PRR16: variants seen among roughly 807,000 people sequenced by gnomAD.
PRR16 encodes protein Largen.
Under a neutral mutation model 18.2 loss-of-function variants are expected in PRR16, and 6 were observed. The ratio of observed to expected loss-of-function variants is 0.33; its 90% CI spans 0.18 to 0.65. The LOEUF (loss-of-function observed/expected upper bound fraction) is 0.65, where lower values mean the gene tolerates loss of function less well. PRR16 is among the 30% of genes least tolerant of loss of function. PRR16 has a pLI of 0.74. For synonymous variants in PRR16, 151 were observed against 147.8 expected (o/e 1.02, Z -0.16); for missense variants, 412 against 376.6 (o/e 1.09, Z -0.78).
chr5:120,585,135 A>G (rs1379672370), intron 1 of PRR16, among the ~76,000 whole-genome samples: 3 of 152,242 alleles, frequency 2.0e-5, no homozygotes, highest in Non-Finnish European at 2.9e-5. Flanking sequence ...AAATAAGAAT[A>G]AGACAGATAT....
At chr5:120,752,932 TTTTCATCTC>T in the PRR16 span, among the ~76,000 whole-genome samples, 1 of 151,582 alleles carries the variant, frequency 6.6e-6, no homozygotes, top group African/African-American at 2.4e-5. Context: ...ATGTAAGACT[TTTTCATCTC>T]TTTCATTAAA....
the PRR16 span, among the ~76,000 whole-genome samples, chr5:120,720,064 A>G: frequency 6.6e-6 from 1 of 151,988 alleles, no homozygotes; most frequent in Non-Finnish European, 1.5e-5. Flanking sequence ...CATTTATTGT[A>G]TAGTCTATAT....
chr5:120,512,841 C>T (rs1037335782), intron 1 of PRR16, among the ~76,000 whole-genome samples: 31 of 151,974 alleles, frequency 2.0e-4, no homozygotes, highest in Non-Finnish European at 3.7e-4. Flanking sequence ...AAGAGAGGAG[C>T]GCAGGCGTGT....
rs564447960 is a variant in PRR16, at chr5:120,539,908, A to G, written c.159+75263A>G. On this transcript the variant is annotated intron_variant, in intron 1 of 1. Coordinates refer to ENST00000407149, the MANE Select transcript of PRR16 (RefSeq NM_001300783.2). ...GATGACCGAGTCATTTTTAGAGTCT[A>G]TTGTGTTTTATATTATAGGTTCTTG... Among the ~76,000 whole-genome samples, 4 of 151,952 alleles carry G rather than the reference A, an allele frequency of 2.6e-5. No homozygotes were observed. The South Asian group carries it at 6.2e-4, about 24-fold the overall frequency.
chr5:120,682,730 G>A (rs1274971900), intron 1 of PRR16, among the ~76,000 whole-genome samples: 3 of 152,132 alleles, frequency 2.0e-5, no homozygotes, highest in Non-Finnish European at 2.9e-5. Context: ...TTGAGAATAT[G>A]CAACCAACTC....
At chr5:120,615,802 T>A (rs1285177178) in intron 1 of PRR16, among the ~76,000 whole-genome samples, 1 of 152,100 alleles carries the variant, frequency 6.6e-6, no homozygotes, top group Non-Finnish European at 1.5e-5. Context: ...AATATGTAGG[T>A]GAGAATTCTG....
intron 1 of PRR16, among the ~76,000 whole-genome samples, chr5:120,532,704 T>A (rs1037298404): frequency 6.6e-6 from 1 of 152,142 alleles, no homozygotes; most frequent in African/African-American, 2.4e-5. Context: ...AACTTTATTT[T>A]TTATTAGGAA....
At chr5:120,770,669 G>T in the PRR16 span, among the ~76,000 whole-genome samples, 1 of 151,982 alleles carries the variant, frequency 6.6e-6, no homozygotes, top group Non-Finnish European at 1.5e-5. Flanking sequence ...TGCAAATCAT[G>T]TATCTGATAA....
At chr5:120,742,106 A>T in the PRR16 span, among the ~76,000 whole-genome samples, 1 of 151,832 alleles carries the variant, frequency 6.6e-6, no homozygotes, top group Non-Finnish European at 1.5e-5. Flanking sequence ...CACTGTTTTA[A>T]CTGCATTTCT....
intron 1 of PRR16, among the ~76,000 whole-genome samples, chr5:120,673,712 G>A (rs780648654): frequency 6.6e-6 from 1 of 152,084 alleles, no homozygotes; most frequent in Non-Finnish European, 1.5e-5. Flanking sequence ...AATGAGGTGG[G>A]TGGATTGCTT....
At chr5:120,625,142 G>A (rs1754822744) in intron 1 of PRR16, among the ~76,000 whole-genome samples, 3 of 151,938 alleles carry the variant, frequency 2.0e-5, no homozygotes, top group African/African-American at 4.8e-5. Context: ...CCTTTCTTTT[G>A]TCCTGTGTCT....
the PRR16 span, among the ~76,000 whole-genome samples, chr5:120,698,689 C>G: frequency 1.3e-5 from 2 of 151,910 alleles, no homozygotes; most frequent in African/African-American, 2.4e-5. Flanking sequence ...ATGGGGTGTA[C>G]CTTGTAGCAT....
chr5:120,475,779 T>A (rs574835939), intron 1 of PRR16, among the ~76,000 whole-genome samples: 2 of 152,274 alleles, frequency 1.3e-5, no homozygotes, highest in East Asian at 3.9e-4. Context: ...TTTTATTGCC[T>A]ACTATATGCA....
chr5:120,745,079 T>G, the PRR16 span, among the ~76,000 whole-genome samples: 6 of 152,256 alleles, frequency 3.9e-5, no homozygotes, highest in Non-Finnish European at 7.4e-5. Context: ...CCCTGGCTTC[T>G]CCCAAAAGTC....
chr5:120,649,017 T>C (rs1406572850), intron 1 of PRR16, among the ~76,000 whole-genome samples: 1 of 152,164 alleles, frequency 6.6e-6, no homozygotes, highest in African/African-American at 2.4e-5. Flanking sequence ...ATATGATTAA[T>C]TGTGAGTTTA....
downstream of PRR16, among the ~76,000 whole-genome samples, chr5:120,691,959 C>T (rs908983331): frequency 1.3e-5 from 2 of 152,108 alleles, no homozygotes; most frequent in Admixed American, 6.5e-5. Context: ...ATCTTGGACA[C>T]AATTATTATC....
chr5:120,697,978 C>G, the PRR16 span, among the ~76,000 whole-genome samples: 17 of 152,050 alleles, frequency 1.1e-4, no homozygotes, highest in Admixed American at 8.5e-4. Context: ...GCCATCTGGG[C>G]GTATACGTGC....
chr5:120,751,419 T>C, the PRR16 span, among the ~76,000 whole-genome samples: 2 of 152,150 alleles, frequency 1.3e-5, no homozygotes, highest in African/African-American at 2.4e-5. Flanking sequence ...TTCCTCTTTC[T>C]CTGCCTCCTC....
chr5:120,763,477 A>G, the PRR16 span, among the ~76,000 whole-genome samples: 15 of 152,128 alleles, frequency 9.9e-5, no homozygotes, highest in Non-Finnish European at 1.9e-4. Context: ...ATATTTTCCA[A>G]GGTAAGGTAA....
Sources: allele counts gnomAD v4.1 joint callset (sites outside exome capture counted in the v4.1 genomes callset), GRCh38; gene constraint gnomAD v4.1.1; transcripts MANE v1.5; gene names NCBI Gene and HGNC (gene_info 2026-07-23, HGNC 2026-07-21).